Variants in FN1 observed in about 807,000 individuals in gnomAD.
The protein encoded by FN1 is fibronectin.
A neutral mutation model predicts 297.3 loss-of-function variants in FN1; 106 were observed. The ratio of observed to expected loss-of-function variants is 0.36; its 90% CI spans 0.30 to 0.42. FN1 has a LOEUF of 0.42. Ranked by LOEUF, FN1 falls within the 10% of genes least tolerant of loss-of-function variation. FN1 has a pLI of 1.00. For synonymous variants in FN1, 1,149 were observed against 1,152.6 expected (o/e 1.00, Z 0.06); for missense variants, 2,690 against 3,124.9 (o/e 0.86, Z 3.32).
chr2:215,417,782 A>G (rs925701174), intron 12 of FN1, among the ~76,000 whole-genome samples: 3 of 152,290 alleles, frequency 2.0e-5, no homozygotes, highest in African/African-American at 7.2e-5. Flanking sequence ...TAATACTCCA[A>G]TACTCAAGGA....
At chr2:215,435,409 T>C (rs180751976) in intron 1 of FN1, among the ~76,000 whole-genome samples, 3 of 152,350 alleles carry the variant, frequency 2.0e-5, no homozygotes, top group Admixed American at 1.3e-4. Context: ...AATCTGAACG[T>C]GCAGAATTTA....
In FN1 at chr2:215,422,239, G is replaced by A. The variant is rs752449773; in HGVS notation, c.1398C>T (p.His466=). ...QKFGFCPMAA[H]EEICTTNEGV... is the part of the protein sequence containing the mutation. ...CTTCATTGGTTGTGCAGATTTCCTC[G>A]TGGGCTGTTTGGAAATGGATAAGAA... is the stretch of plus-strand genomic sequence containing the variant. The change falls in exon 10 of 46, where the codon CAC becomes CAT. Residue 466 remains histidine, a synonymous_variant. Coordinates refer to ENST00000354785, the MANE Select transcript of FN1 (RefSeq NM_212482.4). 13 of 1,613,790 alleles carry A rather than the reference G, an allele frequency of 8.1e-6. No individual in the cohort carries two copies. The African/African-American group carries it at 9.3e-5, about 12-fold the overall frequency.
chr2:215,435,786 C>G lies in FN1; in HGVS notation c.17G>C (p.Gly6Ala), dbSNP rs1559630476. 1 of 1,567,372 alleles carries G rather than the reference C, an allele frequency of 6.4e-7. No homozygotes were observed. The highest frequency in any genetic ancestry group is 8.6e-7 in the Non-Finnish European group (1 of 1,159,092). Residue 6 changes from glycine to alanine, a missense_variant, in exon 1 of 46, where the codon GGG (glycine) becomes GCG (alanine). Transcript: ENST00000354785. ...GACGGCCAGCAGCAGCAGCCCGGGC[C>G]CCGGACCCCTAAGCATGTTGAGACG... MLRGPGPGLLLLAVQC... is the reference protein window; with the variant it reads MLRGPAPGLLLLAVQC...
intron 26 of FN1, among the ~76,000 whole-genome samples, chr2:215,390,912 T>G (rs2106061556): frequency 6.6e-6 from 1 of 152,364 alleles, no homozygotes; most frequent in East Asian, 1.9e-4. Context: ...TGTTGTTATA[T>G]ATTTGACTAT....
chr2:215,411,728 G>A (rs1285706323), intron 13 of FN1, among the ~76,000 whole-genome samples: 5 of 148,492 alleles, frequency 3.4e-5, no homozygotes, highest in East Asian at 2.0e-4. Context: ...GTGCAGTGGC[G>A]TGATCCTGGC....
In FN1 at chr2:215,361,495, T is replaced by G. The variant is rs1391871471; in HGVS notation, c.*60A>C. 2 of 1,199,340 alleles carry G rather than the reference T, an allele frequency of 1.7e-6. No homozygotes were observed. Among genetic ancestry groups the G allele is most frequent in the African/African-American group, 3.0e-5 (2 of 66,990 alleles). 74.3% of individuals were successfully genotyped at this position (1,199,340 alleles called of 1,614,324 possible). A position where few individuals can be genotyped will look rare whatever the true frequency, so the allele number is the denominator to read the frequency against. On this transcript the variant is annotated 3_prime_UTR_variant, in exon 46 of 46. Coordinates refer to ENST00000354785, the MANE Select transcript of FN1 (RefSeq NM_212482.4). The stretch of plus-strand genomic sequence containing the variant: ...TCTAAGCTGGGTCTGCTAACATCAC[T>G]CCAGTTTAGATGGATCTTGGCAGAG...
At chr2:215,362,156 G>C in intron 44 of FN1, 77 bp from the exon 45 acceptor site, 1 of 1,117,424 alleles carries the variant, frequency 8.9e-7, no homozygotes, top group East Asian at 2.4e-5. Context: ...TTGAGTTAAA[G>C]AAAAATGTCA....
intron 34 of FN1, 108 bp downstream of exon 34, chr2:215,379,022 G>C (rs1419697376): frequency 5.8e-6 from 6 of 1,027,428 alleles, no homozygotes; most frequent in East Asian, 4.9e-5. Context: ...ATTTGATGCA[G>C]AGGAAAAGAA....
In FN1 at chr2:215,375,210, A is replaced by G. The variant is rs779209474; in HGVS notation, c.6157+4T>C. Reference sequence around the variant, plus strand: ...GGAAAATGACAGCATGGAAGCAGCAATACCAGTAATAGTAGCCTCTGTGAC... The same window carrying G: ...GGAAAATGACAGCATGGAAGCAGCAGTACCAGTAATAGTAGCCTCTGTGAC... On this transcript the variant is annotated splice_donor_region_variant and intron_variant, in intron 38 of 45. Transcript: ENST00000354785. The G allele has an allele frequency of 3.3e-5, 54 of 1,613,104 alleles. 1 individual carries two copies. The Middle Eastern group carries it at 4.9e-4, about 15-fold the overall frequency.
At chr2:215,384,767 T>A in intron 29 of FN1, 93 bp downstream of exon 29, 1 of 905,260 alleles carries the variant, frequency 1.1e-6, no homozygotes, top group Non-Finnish European at 1.8e-6. Context: ...CTTGCCAAAG[T>A]TTCTTTAATT....
At chr2:215,408,522 C>T (rs1314138677) in intron 15 of FN1, 96 bp from the exon 16 acceptor site, 9 of 1,245,064 alleles carry the variant, frequency 7.2e-6, no homozygotes, top group South Asian at 1.2e-5. Context: ...ATTATATATT[C>T]ATAGGGAAAA....
rs189466172 is a variant in FN1 at position 215,415,019 on chromosome 2, G to A, written c.1820-61C>T. On this transcript the variant is annotated intron_variant, in intron 12 of 45. Transcript: ENST00000354785. ...TATTCACTCACTTCAACTTAAAACTGTGTACATGGACAGTCATCATTATAA... is the reference window on the plus strand; with the variant it reads ...TATTCACTCACTTCAACTTAAAACTATGTACATGGACAGTCATCATTATAA... 9.2e-4 allele frequency: 1,198 copies of A among 1,302,086 alleles called. 13 individuals are homozygous for A. The African/African-American group carries it at 0.015, about 16-fold the overall frequency. 80.7% of individuals were successfully genotyped at this position (1,302,086 alleles called of 1,614,324 possible). A position where few individuals can be genotyped will look rare whatever the true frequency, so the allele number is the denominator to read the frequency against.
At chr2:215,387,409 A>G (rs917171813) in intron 27 of FN1, among the ~76,000 whole-genome samples, 1 of 152,176 alleles carries the variant, frequency 6.6e-6, no homozygotes, top group African/African-American at 2.4e-5. Context: ...GAAGCCTCCT[A>G]AGCTCAAGAG....
At chr2:215,420,832 A>G in intron 10 of FN1, 31 bp from the exon 11 acceptor site, 1 of 1,612,010 alleles carries the variant, frequency 6.2e-7, no homozygotes, top group South Asian at 1.1e-5. Flanking sequence ...TGAGTGAGAA[A>G]CTTTTTAAAG....
intron 40 of FN1, among the ~76,000 whole-genome samples, chr2:215,370,674 G>A (rs779554748): frequency 1.3e-5 from 2 of 151,916 alleles, no homozygotes; most frequent in African/African-American, 2.4e-5. Flanking sequence ...TACGTGCTCC[G>A]TAGTTAACAG....
At chr2:215,414,042 G>A (rs2063076969) in intron 13 of FN1, among the ~76,000 whole-genome samples, 1 of 152,090 alleles carries the variant, frequency 6.6e-6, no homozygotes, top group Non-Finnish European at 1.5e-5. Context: ...TAACCGCCTG[G>A]GTTGGTCAAA....
intron 23 of FN1, 126 bp from the exon 24 acceptor site, chr2:215,394,845 G>C: frequency 2.8e-6 from 2 of 725,490 alleles, no homozygotes; most frequent in South Asian, 3.0e-5. Context: ...GGACTCCACT[G>C]TCACTGTTAT....
intron 25 of FN1, 152 bp from the exon 26 acceptor site, chr2:215,391,966 G>A: frequency 2.9e-6 from 2 of 695,502 alleles, no homozygotes; most frequent in Non-Finnish European, 2.5e-6. Flanking sequence ...TTAAGTTATA[G>A]TGTACTACTG....
intron 12 of FN1, among the ~76,000 whole-genome samples, chr2:215,418,688 T>G (rs973612221): frequency 2.0e-5 from 3 of 152,148 alleles, no homozygotes; most frequent in South Asian, 2.1e-4. Context: ...CAATAAACAT[T>G]TGAGAGTGTT....
Sources: allele counts gnomAD v4.1 joint callset (sites outside exome capture counted in the v4.1 genomes callset), GRCh38; gene constraint gnomAD v4.1.1; transcripts MANE v1.5; gene names NCBI Gene and HGNC (gene_info 2026-07-23, HGNC 2026-07-21).